Variants in CACNA2D1 observed in about 807,000 individuals in gnomAD.
CACNA2D1 encodes the protein calcium voltage-gated channel auxiliary subunit alpha2delta 1.
Under a neutral mutation model 171.5 loss-of-function variants are expected in CACNA2D1, and 53 were observed. The ratio of observed to expected loss-of-function variants is 0.31; its 90% CI spans 0.25 to 0.39. The LOEUF (loss-of-function observed/expected upper bound fraction) is 0.39, where lower values mean the gene tolerates loss of function less well. CACNA2D1 is among the 10% of genes least tolerant of loss of function. The pLI is 1.00. For synonymous variants in CACNA2D1, 442 were observed against 443.1 expected (o/e 1.00, Z 0.03); for missense variants, 903 against 1,299.8 (o/e 0.69, Z 4.69).
intron 3 of CACNA2D1, among the ~76,000 whole-genome samples, chr7:82,216,362 A>T (rs761312627): frequency 6.6e-6 from 1 of 152,208 alleles, no homozygotes; most frequent in Non-Finnish European, 1.5e-5. Flanking sequence ...GCACTGTTGC[A>T]TTAAAATTCT....
chr7:82,011,988 A>G, intron 15 of CACNA2D1, 166 bp downstream of exon 15: 1 of 638,006 alleles, frequency 1.6e-6, no homozygotes, highest in Non-Finnish European at 2.8e-6. Flanking sequence ...ATACGAGTCT[A>G]TGTTTTTATG....
intron 1 of CACNA2D1, among the ~76,000 whole-genome samples, chr7:82,390,681 C>A: frequency 6.6e-6 from 1 of 152,184 alleles, no homozygotes; most frequent in South Asian, 2.1e-4. Context: ...CCTATTCAAA[C>A]GACTCATGTG....
chr7:82,320,251 A>T (rs1316800290), intron 3 of CACNA2D1, among the ~76,000 whole-genome samples: 1 of 152,154 alleles, frequency 6.6e-6, no homozygotes, highest in Admixed American at 6.5e-5. Flanking sequence ...TTACAGAACC[A>T]TATTTAACTT....
At chr7:82,079,945 C>A (rs1252717261) in intron 7 of CACNA2D1, among the ~76,000 whole-genome samples, 2 of 151,838 alleles carry the variant, frequency 1.3e-5, no homozygotes, top group Non-Finnish European at 2.9e-5. Flanking sequence ...AACCATTCTA[C>A]AATATGTGTG....
At chr7:82,344,767 T>A (rs372246320) in intron 2 of CACNA2D1, among the ~76,000 whole-genome samples, 2 of 152,094 alleles carry the variant, frequency 1.3e-5, no homozygotes, top group African/African-American at 4.8e-5. Context: ...ATTGCCTACA[T>A]CGTTATGGTG....
intron 24 of CACNA2D1, among the ~76,000 whole-genome samples, chr7:81,976,017 C>A (rs1020959714): frequency 6.6e-6 from 1 of 150,842 alleles, no homozygotes; most frequent in African/African-American, 2.4e-5. Context: ...CAGAAAGCAC[C>A]TTGTTCACTT....
intron 1 of CACNA2D1, among the ~76,000 whole-genome samples, chr7:82,410,895 A>C (rs1326199603): frequency 6.6e-6 from 1 of 152,212 alleles, no homozygotes; most frequent in African/African-American, 2.4e-5. Context: ...AATCTTTTTT[A>C]ATCTTTCGAG....
rs764372313 is a variant in CACNA2D1 at position 82,335,236 on chromosome 7, G to C, written c.193C>G (p.Gln65Glu). The C allele has an allele frequency of 2.5e-6, 4 of 1,598,864 alleles. No homozygotes were observed. The highest frequency in any genetic ancestry group is 3.3e-4 in the Middle Eastern group (2 of 6,018). Residue 65 changes from glutamine to glutamate, a missense_variant, in exon 3 of 39, where the codon CAA becomes GAA. By Grantham distance (29) the Gln-to-Glu change is conservative. Coordinates refer to ENST00000356860, the MANE Select transcript of CACNA2D1 (RefSeq NM_000722.4). Reference sequence around the variant, plus strand: ...TTTGGTTCCACAGTATACAAATCTTGATATTTCTCATAAATCTGTGTGAAA... The same window carrying C: ...TTTGGTTCCACAGTATACAAATCTTCATATTTCTCATAAATCTGTGTGAAA... ...NQLVDIYEKY[Q>E]DLYTVEPNNA...
intron 3 of CACNA2D1, among the ~76,000 whole-genome samples, chr7:82,329,430 A>G (rs946848148): frequency 7.2e-5 from 11 of 152,150 alleles, no homozygotes; most frequent in Admixed American, 2.0e-4. Flanking sequence ...ATTTTCTTTG[A>G]GCAAAATGCC....
chr7:82,328,896 CT>C (rs760372875), intron 3 of CACNA2D1, among the ~76,000 whole-genome samples: 40 of 152,102 alleles, frequency 2.6e-4, no homozygotes, highest in Admixed American at 1.3e-4. Context: ...TCAATGACCC[CT>C]AATAGCCAAA....
rs140594456 is a variant in CACNA2D1, at chr7:82,149,667, A to C, written c.355-12991T>G. ...AGTATGTGCTTGGCCGGGTGCTCAC[A>C]CCTGTAATCCCAGCACTTTGGGAGG... On this transcript the variant is annotated intron_variant, in intron 4 of 38. Coordinates refer to ENST00000356860, the MANE Select transcript of CACNA2D1 (RefSeq NM_000722.4). 1.8e-3 allele frequency among the ~76,000 whole-genome samples: 276 copies of C among 152,012 alleles called. 5 individuals carry two copies. The highest frequency in any genetic ancestry group is 6.3e-3 in the African/African-American group (260 of 41,476).
chr7:82,038,882 C>T (rs922232717), intron 10 of CACNA2D1, among the ~76,000 whole-genome samples: 6 of 152,238 alleles, frequency 3.9e-5, no homozygotes, highest in South Asian at 4.1e-4. Context: ...AACATCAACT[C>T]CAACGATAAC....
At chr7:82,432,957 A>C (rs1014375275) in intron 1 of CACNA2D1, among the ~76,000 whole-genome samples, 1 of 152,292 alleles carries the variant, frequency 6.6e-6, no homozygotes, top group East Asian at 1.9e-4. Context: ...AGGCCAAGGC[A>C]GGTGGATTGC....
chr7:82,045,162 T>C (rs1192015182), intron 10 of CACNA2D1, among the ~76,000 whole-genome samples: 1 of 152,178 alleles, frequency 6.6e-6, no homozygotes, highest in African/African-American at 2.4e-5. Context: ...CAAATTACTT[T>C]CCAAAAATTT....
rs1554548045 is a variant in CACNA2D1, at chr7:82,411,895, T to TCTCA, written c.95+31469_95+31470insTGAG. Among the ~76,000 whole-genome samples, 823 of 144,882 alleles carry TCTCA rather than the reference T, an allele frequency of 5.7e-3. 2 individuals carry two copies. The highest frequency in any genetic ancestry group is 0.028 in the Middle Eastern group (8 of 290). On this transcript the variant is annotated intron_variant, in intron 1 of 38. Transcript: ENST00000356860. ...CCTCAAGCCAAACGAAAACTAAATCTCACACACACACACACACACACACAC... is the reference window on the plus strand; with the variant it reads ...CCTCAAGCCAAACGAAAACTAAATCTCTCACACACACACACACACACACACACAC...
chr7:82,254,258 G>GA (rs200166688), intron 3 of CACNA2D1, among the ~76,000 whole-genome samples: 6 of 150,178 alleles, frequency 4.0e-5, no homozygotes, highest in South Asian at 2.1e-4. Flanking sequence ...TGCTTAGTAG[G>GA]AAAAAAAAAG....
At chr7:82,060,061 A>AT (rs1806437352) in intron 10 of CACNA2D1, among the ~76,000 whole-genome samples, 1 of 107,700 alleles carries the variant, frequency 9.3e-6, no homozygotes, top group African/African-American at 3.3e-5. Flanking sequence ...ACGAGTTAAT[A>AT]GGTGCAGCAC....
intron 24 of CACNA2D1, among the ~76,000 whole-genome samples, chr7:81,981,773 G>C (rs1796464060): frequency 6.6e-6 from 1 of 152,048 alleles, no homozygotes; most frequent in Non-Finnish European, 1.5e-5. Context: ...TGGAGAAAAA[G>C]ATGTACATGC....
At position 82,443,720 on chromosome 7, in the gene CACNA2D1, C is replaced by G. The variant is rs973216266; in HGVS notation, c.-261G>C. 5.8e-5 allele frequency: 72 copies of G among 1,234,470 alleles called. No individual in the cohort carries two copies. The highest frequency in any genetic ancestry group is 8.4e-5 in the Admixed American group (2 of 23,688). 76.5% of individuals were successfully genotyped at this position (1,234,470 alleles called of 1,614,324 possible). On this transcript the variant is annotated 5_prime_UTR_variant, in exon 1 of 39. Transcript: ENST00000356860. ...GCGGCCGCCTTGCCTCCGCCGCCAT[C>G]AAGGGCGACTTTGGAAACAGACCTC...
Sources: gnomAD v4.1 joint callset for allele counts (sites outside exome capture counted in the v4.1 genomes callset) on GRCh38, gnomAD v4.1.1 for gene constraint, MANE v1.5 for transcripts, NCBI Gene and HGNC (gene_info 2026-07-23, HGNC 2026-07-21) for gene names.